Variants in ZNF93 observed in about 807,000 individuals in gnomAD.
ZNF93 encodes the protein zinc finger protein 505.
Under a neutral mutation model 45.0 loss-of-function variants are expected in ZNF93, and 29 were observed. The observed-to-expected ratio is 0.64, with a 90% CI of 0.48 to 0.88. The LOEUF (loss-of-function observed/expected upper bound fraction) is 0.88. ZNF93 is among the 40% of genes least tolerant of loss of function. The pLI is 0.00. For missense variants in ZNF93, 578 were observed against 724.0 expected, an observed-to-expected ratio of 0.80 and a Z score of 2.31; for synonymous variants, 223 against 244.6, an observed-to-expected ratio of 0.91 and a Z score of 0.82.
At chr19:19,919,504 C>A (rs1024818192) in intron 3 of ZNF93, among the ~76,000 whole-genome samples, 2 of 152,096 alleles carry the variant, frequency 1.3e-5, no homozygotes, top group African/African-American at 4.8e-5. Context: ...TCATTGGTAG[C>A]TTGATGGGGA....
chr19:19,910,923 G>T (rs1023613525), intron 1 of ZNF93, among the ~76,000 whole-genome samples: 2 of 152,170 alleles, frequency 1.3e-5, no homozygotes, highest in African/African-American at 4.8e-5. Context: ...CCCCATTTGG[G>T]AGTGTGGCTC....
At chr19:19,902,535 G>T (rs1035049647) in intron 1 of ZNF93, among the ~76,000 whole-genome samples, 6 of 151,994 alleles carry the variant, frequency 3.9e-5, no homozygotes, top group Non-Finnish European at 8.8e-5. Context: ...TGGGATTACA[G>T]GCATGAGCCA....
intron 3 of ZNF93, among the ~76,000 whole-genome samples, chr19:19,923,219 G>A (rs1176762893): frequency 6.6e-6 from 1 of 152,080 alleles, no homozygotes; most frequent in African/African-American, 2.4e-5. Context: ...TGTTTGCCTG[G>A]GTATCAGCAG....
At chr19:19,923,324 C>T (rs534617487) in intron 3 of ZNF93, among the ~76,000 whole-genome samples, 1 of 152,088 alleles carries the variant, frequency 6.6e-6, no homozygotes, top group Non-Finnish European at 1.5e-5. Context: ...GGTACCCGGC[C>T]GTGTGAGGTG....
At chr19:19,919,095 T>G (rs900858678) in intron 3 of ZNF93, among the ~76,000 whole-genome samples, 1 of 152,224 alleles carries the variant, frequency 6.6e-6, no homozygotes, top group Non-Finnish European at 1.5e-5. Flanking sequence ...GGTCTAACAT[T>G]TAAGTCTTTA....
chr19:19,934,990 C>A lies in ZNF93; in HGVS notation c.*172C>A. ...GCCCATTTACAGCCATGTAGGCAGG[C>A]CTGCAGACCTTGGCCTTTACTACGG... is the stretch of plus-strand genomic sequence containing the variant. On this transcript the variant is annotated 3_prime_UTR_variant, in exon 4 of 4. Transcript: ENST00000343769. The A allele has an allele frequency of 1.5e-6, 1 of 685,332 alleles. No individual in the cohort carries two copies. The highest frequency in any genetic ancestry group is 2.3e-6 in the Non-Finnish European group (1 of 426,400). The allele number at this position is 685,332 out of a possible 1,614,324, so 42.5% of individuals were successfully genotyped here.
chr19:19,927,357 C>G, intron 3 of ZNF93: 1 of 395,594 alleles, frequency 2.5e-6, no homozygotes, highest in Non-Finnish European at 4.4e-6. Flanking sequence ...GACCCTATCT[C>G]AAAAAAAGCT....
intron 1 of ZNF93, among the ~76,000 whole-genome samples, chr19:19,906,047 A>G (rs1217945899): frequency 1.3e-5 from 2 of 152,176 alleles, no homozygotes; most frequent in African/African-American, 2.4e-5. Flanking sequence ...TATATACCCA[A>G]TTATAAGGTT....
chr19:19,923,332 G>A (rs981232570), intron 3 of ZNF93, among the ~76,000 whole-genome samples: 2 of 152,186 alleles, frequency 1.3e-5, no homozygotes, highest in African/African-American at 4.8e-5. Context: ...GCCGTGTGAG[G>A]TGTCAATCTG....
chr19:19,916,663 T>C lies in ZNF93; in HGVS notation c.226+8T>C, dbSNP rs758954392. 10 of 1,592,840 alleles carry C rather than the reference T, an allele frequency of 6.3e-6. No homozygotes were observed. The highest frequency in any genetic ancestry group is 2.3e-5 in the South Asian group (2 of 88,750). On this transcript the variant is annotated splice_region_variant and intron_variant, in intron 3 of 3. Transcript: ENST00000343769. ...TGGTAGCCAACCCCTCAGGTAGGTG[T>C]GAGTGAAAATGAATACAACAGACAA...
At chr19:19,919,917 C>T (rs781074424) in intron 3 of ZNF93, among the ~76,000 whole-genome samples, 1 of 152,188 alleles carries the variant, frequency 6.6e-6, no homozygotes, top group Non-Finnish European at 1.5e-5. Context: ...TTGACTTCCT[C>T]TTTTCCTAAT....
chr19:19,925,890 A>G (rs2063354566), intron 3 of ZNF93, among the ~76,000 whole-genome samples: 1 of 152,134 alleles, frequency 6.6e-6, no homozygotes, highest in African/African-American at 2.4e-5. Context: ...AGAATAGCAT[A>G]TATTTAAAAC....
intron 1 of ZNF93, 27 bp downstream of exon 1, chr19:19,901,118 G>A: frequency 6.2e-7 from 1 of 1,613,436 alleles, no homozygotes; most frequent in Non-Finnish European, 8.5e-7. Flanking sequence ...GACATCCCAA[G>A]CGACGGGGAG....
At chr19:19,926,877 C>T (rs557940006) in intron 3 of ZNF93, among the ~76,000 whole-genome samples, 2 of 151,962 alleles carry the variant, frequency 1.3e-5, no homozygotes, top group South Asian at 2.1e-4. Context: ...AGCTGATTTT[C>T]GATGGTAGTT....
At position 19,933,511 on chromosome 19, in the gene ZNF93, T is replaced by G. The variant is rs1187269202; in HGVS notation, c.556T>G (p.Ser186Ala). The G allele has an allele frequency of 6.2e-7, 1 of 1,607,168 alleles. No individual in the cohort carries two copies. The highest frequency in any genetic ancestry group is 8.5e-7 in the Non-Finnish European group (1 of 1,177,962). Residue 186 changes from serine to alanine, a missense_variant, in exon 4 of 4, where the codon TCA (serine) becomes GCA (alanine). This residue lies in a region of ZNF93 where 446 missense variants were observed against 547.6 expected (regional missense o/e 0.81). Transcript: ENST00000343769. ...IECGKAFNQF[S>A]TLITHKKIHT... ...ATGTGGCAAAGCTTTTAACCAGTTC[T>G]CAACCCTTATAACACATAAGAAAAT...
chr19:19,917,847 T>C (rs2063328992), intron 3 of ZNF93, among the ~76,000 whole-genome samples: 1 of 152,210 alleles, frequency 6.6e-6, no homozygotes, highest in African/African-American at 2.4e-5. Flanking sequence ...TTATGGTTTT[T>C]AAAATATGAG....
intron 1 of ZNF93, among the ~76,000 whole-genome samples, chr19:19,909,945 C>T (rs1353567937): frequency 2.6e-5 from 4 of 152,230 alleles, no homozygotes; most frequent in African/African-American, 9.6e-5. Flanking sequence ...CCAATTTCTA[C>T]AAACTTCACA....
At chr19:19,912,597 C>T (rs1014925657) in intron 1 of ZNF93, among the ~76,000 whole-genome samples, 1 of 151,840 alleles carries the variant, frequency 6.6e-6, no homozygotes, top group Non-Finnish European at 1.5e-5. Flanking sequence ...AGTTGCTGCA[C>T]AAGTCAAAAA....
intron 3 of ZNF93, among the ~76,000 whole-genome samples, chr19:19,918,451 C>G (rs1290186742): frequency 6.6e-6 from 1 of 152,100 alleles, no homozygotes; most frequent in East Asian, 1.9e-4. Context: ...ATTTATAATC[C>G]TTTGGGTATA....
Sources: gnomAD v4.1 joint callset for allele counts (sites outside exome capture counted in the v4.1 genomes callset) on GRCh38, gnomAD v4.1.1 for gene constraint, gnomAD v4.1.1 regional missense constraint, MANE v1.5 for transcripts, NCBI Gene and HGNC (gene_info 2026-07-23, HGNC 2026-07-21) for gene names.